Variants in SYNGR4 observed in about 807,000 individuals in gnomAD.
SYNGR4 encodes the protein synaptogyrin 4.
A neutral mutation model predicts 15.5 loss-of-function variants in SYNGR4; 15 were observed. That is an observed-to-expected ratio of 0.97 (90% CI 0.65 to 1.49). The LOEUF is 1.49. SYNGR4 is among the 40% of genes most tolerant of loss of function. The pLI is 0.00. For synonymous variants in SYNGR4, 121 were observed against 127.4 expected, an observed-to-expected ratio of 0.95 and a Z score of 0.34; for missense variants, 292 against 299.3, an observed-to-expected ratio of 0.98 and a Z score of 0.18.
At chr19:48,374,640 C>A (rs1452562885) in intron 3 of SYNGR4, among the ~76,000 whole-genome samples, 1 of 152,196 alleles carries the variant, frequency 6.6e-6, no homozygotes, top group East Asian at 1.9e-4. Flanking sequence ...TGCGCCTTCT[C>A]ATGCAGGAGC....
rs574125634 is a variant in SYNGR4 at position 48,370,529 on chromosome 19, G to A, written c.94-2988G>A. On this transcript the variant is annotated intron_variant, in intron 2 of 4. Transcript: ENST00000344846. ...AGAGTCCTGTGTGGAGCCTATCCAGGAAGAGTTCCAATTCTAACGAAGGGG... is the reference window on the plus strand; with the variant it reads ...AGAGTCCTGTGTGGAGCCTATCCAGAAAGAGTTCCAATTCTAACGAAGGGG... Among the ~76,000 whole-genome samples, 47 of 152,206 alleles carry A rather than the reference G, an allele frequency of 3.1e-4. No individual in the cohort carries two copies. The East Asian group carries it at 8.3e-3, about 27-fold the overall frequency.
At position 48,376,141 on chromosome 19, in the gene SYNGR4, C is replaced by G. The variant is rs780571852; in HGVS notation, c.528C>G (p.Tyr176Ter). 1 of 1,614,146 alleles carries G rather than the reference C, an allele frequency of 6.2e-7. No individual in the cohort carries two copies. Among genetic ancestry groups the G allele is most frequent in the Non-Finnish European group, 8.5e-7 (1 of 1,180,024 alleles). The change falls in exon 5 of 5, where the codon TAC (tyrosine) becomes TAG (stop). Residue 176 changes from tyrosine (Y) to a stop codon, truncating the protein, a stop_gained. Transcript: ENST00000344846. LOFTEE classifies it low-confidence loss of function (END_TRUNC). ...TCCGAAATGATGCTCCAGTCCCTTA[C>G]AAGCGCTTCCTGGATGAGGGTGGCA... ...QDLRNDAPVP[Y>*]KRFLDEGGMV... is the part of the protein sequence containing the mutation.
At chr19:48,370,209 G>A (rs547130467) in intron 2 of SYNGR4, among the ~76,000 whole-genome samples, 30 of 152,314 alleles carry the variant, frequency 2.0e-4, no homozygotes, top group African/African-American at 6.5e-4. Flanking sequence ...GCAGGGGCCC[G>A]GCAAGGTGGC....
At chr19:48,366,439 G>T (rs984088080) in intron 2 of SYNGR4, among the ~76,000 whole-genome samples, 2 of 151,632 alleles carry the variant, frequency 1.3e-5, no homozygotes, top group East Asian at 3.9e-4. Context: ...TCGCTCTGTT[G>T]CCCAGGCTGG....
At position 48,366,040 on chromosome 19, in the gene SYNGR4, C is replaced by T. The variant is rs966965782; in HGVS notation, c.93+105C>T. The T allele has an allele frequency of 4.1e-5, 51 of 1,233,294 alleles. No individual in the cohort carries two copies. The South Asian group carries it at 5.2e-4, about 13-fold the overall frequency. The allele number at this position is 1,233,294 out of a possible 1,614,324, so 76.4% of individuals were successfully genotyped here. On this transcript the variant is annotated intron_variant, in intron 2 of 4. Coordinates refer to ENST00000344846, the MANE Select transcript of SYNGR4 (RefSeq NM_012451.4). The stretch of plus-strand genomic sequence containing the variant: ...ATGGGAGGACAAGGAAGGGGTCAGA[C>T]GGGGAAACAAGACAACGGAGCAAAT...
intron 2 of SYNGR4, among the ~76,000 whole-genome samples, chr19:48,366,397 AAAAAAAG>A (rs201293347): frequency 6.6e-5 from 10 of 151,482 alleles, no homozygotes; most frequent in East Asian, 5.9e-4. Flanking sequence ...CTCAAAAAAA[AAAAAAAG>A]AAAAAAGAAA....
intron 2 of SYNGR4, among the ~76,000 whole-genome samples, chr19:48,370,125 C>CA (rs5828351): frequency 0.62 from 94,953 of 151,930 alleles, 30,551 homozygotes; most frequent in East Asian, 0.8. Context: ...AGAGTCAAGA[C>CA]AAGCCAAAGC....
At chr19:48,372,458 G>T (rs2147407827) in intron 2 of SYNGR4, among the ~76,000 whole-genome samples, 1 of 151,852 alleles carries the variant, frequency 6.6e-6, no homozygotes, top group African/African-American at 2.4e-5. Flanking sequence ...ATCGTGGCTG[G>T]CATGGTGAAA....
chr19:48,375,237 G>A (rs1970383019), intron 3 of SYNGR4, among the ~76,000 whole-genome samples: 1 of 151,868 alleles, frequency 6.6e-6, no homozygotes, highest in Non-Finnish European at 1.5e-5. Context: ...TGTTGCCCGG[G>A]CTGGTCTCGA....
chr19:48,375,523 A>C (rs1412219775), intron 3 of SYNGR4, 90 bp from the exon 4 acceptor site: 2 of 1,506,152 alleles, frequency 1.3e-6, no homozygotes, highest in African/African-American at 2.8e-5. Context: ...TTCGTGCAGC[A>C]AGACCACCAG....
intron 2 of SYNGR4, among the ~76,000 whole-genome samples, chr19:48,372,549 C>G (rs1165284449): frequency 6.6e-6 from 1 of 151,528 alleles, no homozygotes; most frequent in Non-Finnish European, 1.5e-5. Flanking sequence ...ACTCGGGAGG[C>G]TGAGGCAGGA....
Position 48,373,670 on chromosome 19 carries a change from T to C in SYNGR4, c.247T>C (p.Phe83Leu), listed in dbSNP as rs200498936. Residue 83 changes from phenylalanine (F) to leucine (L), a missense_variant, in exon 3 of 5, where the codon TTC (phenylalanine) becomes CTC (leucine). Coordinates refer to ENST00000344846, the MANE Select transcript of SYNGR4 (RefSeq NM_012451.4). The stretch of plus-strand genomic sequence containing the variant: ...CCTGGCCTTCCTCAGCTGCCTGGCC[T>C]TCCTCGTCCTGGACACACAGGAGAC... ...GFLAFLSCLA[F>L]LVLDTQETRI... is the part of the protein sequence containing the mutation. The C allele has an allele frequency of 2.0e-5, 33 of 1,613,970 alleles. No individual in the cohort carries two copies. In the Admixed American group the frequency reaches 2.5e-4, roughly 12 times the overall value.
chr19:48,375,538 A>G (rs1351711884), intron 3 of SYNGR4, 75 bp from the exon 4 acceptor site: 12 of 1,549,682 alleles, frequency 7.7e-6, no homozygotes, highest in Admixed American at 1.9e-5. Flanking sequence ...CACCAGCCCC[A>G]TCCTTCCCAT....
chr19:48,372,288 T>C (rs1970319906), intron 2 of SYNGR4, among the ~76,000 whole-genome samples: 1 of 152,170 alleles, frequency 6.6e-6, no homozygotes, highest in Admixed American at 6.6e-5. Flanking sequence ...CTAGGGTGGC[T>C]GTAAGGATGA....
intron 2 of SYNGR4, among the ~76,000 whole-genome samples, chr19:48,372,427 C>T (rs927176980): frequency 2.6e-5 from 4 of 151,702 alleles, no homozygotes; most frequent in South Asian, 2.1e-4. Flanking sequence ...AGGCGGATCA[C>T]GAGGTCAGGT....
chr19:48,375,226 A>G (rs1257377132), intron 3 of SYNGR4, among the ~76,000 whole-genome samples: 1 of 151,734 alleles, frequency 6.6e-6, no homozygotes, highest in Admixed American at 6.6e-5. Context: ...GGGTTTCGCC[A>G]TGTTGCCCGG....
intron 3 of SYNGR4, among the ~76,000 whole-genome samples, chr19:48,375,191 A>G: frequency 6.6e-6 from 1 of 151,324 alleles, no homozygotes; most frequent in Non-Finnish European, 1.5e-5. Flanking sequence ...GTGCTGGGCT[A>G]ATTTTTGTTT....
chr19:48,373,845 C>T (rs2147410105), intron 3 of SYNGR4, 91 bp downstream of exon 3: 1 of 1,330,336 alleles, frequency 7.5e-7, no homozygotes, highest in Non-Finnish European at 1.1e-6. Flanking sequence ...CAACCCTTCA[C>T]CACCTAGCCG....
At chr19:48,375,344 A>T (rs1419210914) in intron 3 of SYNGR4, among the ~76,000 whole-genome samples, 1 of 151,998 alleles carries the variant, frequency 6.6e-6, no homozygotes, top group Non-Finnish European at 1.5e-5. Flanking sequence ...TGTGTTAATG[A>T]ATAGAAATTT....
Sources: allele counts gnomAD v4.1 joint callset (sites outside exome capture counted in the v4.1 genomes callset), GRCh38; gene constraint gnomAD v4.1.1; transcripts MANE v1.5; gene names NCBI Gene and HGNC (gene_info 2026-07-23, HGNC 2026-07-21).